DSG4: variants seen among roughly 807,000 people sequenced by gnomAD.
DSG4 encodes the protein desmoglein 4, also known as desmoglein-4.
Under a neutral mutation model 93.1 loss-of-function variants are expected in DSG4, and 87 were observed. The observed-to-expected ratio is 0.93, with a 90% CI of 0.79 to 1.12. DSG4 has a LOEUF of 1.12. DSG4 is among the 50% of genes most tolerant of loss of function. The pLI, the probability that DSG4 is intolerant of heterozygous loss-of-function variation, is 0.00. For missense variants in DSG4, 1,373 were observed against 1,285.7 expected, an observed-to-expected ratio of 1.07 and a Z score of -1.04; for synonymous variants, 432 against 452.9, an observed-to-expected ratio of 0.95 and a Z score of 0.59.
At chr18:31,394,085 T>G (rs190745843) in intron 8 of DSG4, among the ~76,000 whole-genome samples, 24 of 152,330 alleles carry the variant, frequency 1.6e-4, no homozygotes, top group Admixed American at 1.3e-3. Flanking sequence ...AATAGTTTTA[T>G]TGGAATACAA....
At chr18:31,388,276 G>T in intron 3 of DSG4, 91 bp from the exon 4 acceptor site, 1 of 1,443,436 alleles carries the variant, frequency 6.9e-7, no homozygotes, top group Middle Eastern at 1.8e-4. Context: ...AAGCCCATTT[G>T]GTAAAGAAAC....
chr18:31,399,363 A>G lies in DSG4; in HGVS notation c.1097A>G (p.Gln366Arg), dbSNP rs1441261839. ...DFHYSVASQF[Q>R]MHPTPVRIQV... ...CACTACTCCGTTGCTTCTCAATTCC[A>G]AATGCACCCAACCCCTGTGAGAATT... Residue 366 changes from glutamine (Q) to arginine (R), a missense_variant, in exon 9 of 16, where the codon CAA (glutamine) becomes CGA (arginine). Coordinates refer to ENST00000308128, the MANE Select transcript of DSG4 (RefSeq NM_177986.5). The G allele has an allele frequency of 1.2e-6, 2 of 1,614,002 alleles. No individual in the cohort carries two copies. The highest frequency in any genetic ancestry group is 2.2e-5 in the South Asian group (2 of 91,092).
intron 1 of DSG4, 148 bp from the exon 2 acceptor site, chr18:31,384,988 C>A: frequency 1.4e-6 from 1 of 721,722 alleles, no homozygotes; most frequent in Non-Finnish European, 2.4e-6. Context: ...GTCTATTATT[C>A]ATTTGTGTTA....
At chr18:31,386,210 A>G (rs2072185299) in intron 2 of DSG4, among the ~76,000 whole-genome samples, 2 of 152,164 alleles carry the variant, frequency 1.3e-5, no homozygotes, top group African/African-American at 4.8e-5. Flanking sequence ...CCTTATCAAC[A>G]GAAGAGAAAA....
intron 8 of DSG4, among the ~76,000 whole-genome samples, chr18:31,398,757 T>C (rs1427976657): frequency 6.6e-6 from 1 of 152,156 alleles, no homozygotes; most frequent in Non-Finnish European, 1.5e-5. Flanking sequence ...ACTATAATCA[T>C]CATAAATTCT....
chr18:31,403,463 G>C lies in DSG4; in HGVS notation c.1465G>C (p.Asp489His), dbSNP rs1359676946. Residue 489 changes from aspartate to histidine, a missense_variant, in exon 11 of 16, where the codon GAT (aspartate) becomes CAT (histidine). Asp to His is a moderately conservative substitution (Grantham distance 81). Coordinates refer to ENST00000308128, the MANE Select transcript of DSG4 (RefSeq NM_177986.5). Reference sequence around the variant, plus strand: ...AGGAACCATATGTATTGAGGTTCCTGATATCAATGATTATTGTCCAAACAT... The same window carrying C: ...AGGAACCATATGTATTGAGGTTCCTCATATCAATGATTATTGTCCAAACAT... The part of the protein sequence containing the change: ...ATGTICIEVP[D>H]INDYCPNIFP... The C allele has an allele frequency of 6.2e-7, 1 of 1,613,800 alleles. No individual in the cohort carries two copies. The highest frequency in any genetic ancestry group is 1.7e-5 in the Admixed American group (1 of 59,980).
At chr18:31,388,165 A>T (rs2072208694) in intron 3 of DSG4, among the ~76,000 whole-genome samples, 1 of 152,130 alleles carries the variant, frequency 6.6e-6, no homozygotes, top group Admixed American at 6.6e-5. Context: ...TCCCACAACA[A>T]ATCTGTGTGA....
intron 7 of DSG4, among the ~76,000 whole-genome samples, chr18:31,391,682 A>G (rs1336874508): frequency 1.4e-5 from 2 of 148,078 alleles, no homozygotes; most frequent in Admixed American, 6.6e-5. Context: ...AAACAAAAAA[A>G]CAAAACAAAA....
At chr18:31,396,509 C>A (rs936644221) in intron 8 of DSG4, among the ~76,000 whole-genome samples, 2 of 151,916 alleles carry the variant, frequency 1.3e-5, no homozygotes, top group African/African-American at 4.8e-5. Context: ...CATGCGCCAC[C>A]ACACCCGGCT....
At chr18:31,385,316 G>C (rs142854726) in intron 2 of DSG4, 145 bp downstream of exon 2, 3 of 625,530 alleles carry the variant, frequency 4.8e-6, no homozygotes, top group Non-Finnish European at 2.7e-6. Flanking sequence ...CTGAAATAGC[G>C]ATGGTAAAAT....
intron 10 of DSG4, 63 bp downstream of exon 10, chr18:31,401,083 T>A: frequency 7.4e-7 from 1 of 1,360,062 alleles, no homozygotes; most frequent in East Asian, 2.5e-5. Flanking sequence ...TATTATGTTA[T>A]TCTAATGCTG....
At chr18:31,381,975 T>C (rs765104075) in intron 1 of DSG4, among the ~76,000 whole-genome samples, 2 of 151,522 alleles carry the variant, frequency 1.3e-5, no homozygotes, top group African/African-American at 2.4e-5. Flanking sequence ...AGCCAAATAG[T>C]AGTATCTTAA....
Position 31,391,243 on chromosome 18 carries a change from A to ATAAGTGTCAATAATCAATTTGCG in DSG4, c.819+53_819+54insGTAAGTGTCAATAATCAATTTGC, listed in dbSNP as rs778504245. 40 of 1,612,390 alleles carry ATAAGTGTCAATAATCAATTTGCG rather than the reference A, an allele frequency of 2.5e-5. No homozygotes were observed. The African/African-American group carries it at 4.0e-4, about 16-fold the overall frequency. On this transcript the variant is annotated intron_variant, in intron 7 of 15. Transcript: ENST00000308128. ...TTTGTATTCTTATCTTCCTTTTTCCATAAGTGTCAATAATCAATTTGCATA... is the reference window on the plus strand; with the variant it reads ...TTTGTATTCTTATCTTCCTTTTTCCATAAGTGTCAATAATCAATTTGCGTAAGTGTCAATAATCAATTTGCATA...
In DSG4 at chr18:31,412,924, A is replaced by T. The variant is rs766105158; in HGVS notation, c.2452A>T (p.Ile818Phe). The T allele has an allele frequency of 1.5e-5, 25 of 1,614,054 alleles. No homozygotes were observed. The highest frequency in any genetic ancestry group is 2.7e-5 in the African/African-American group (2 of 74,928). Reference sequence around the variant, plus strand: ...GGGAGTCGGGTCTCCCGTAGGCTCTATTGGTTGTTGCAGTTGGATTGTGGA... The same window carrying T: ...GGGAGTCGGGTCTCCCGTAGGCTCTTTTGGTTGTTGCAGTTGGATTGTGGA... The part of the protein sequence containing the change: ...HEGVGSPVGS[I>F]GCCSWIVDDL... Residue 818 changes from isoleucine to phenylalanine, a missense_variant, in exon 16 of 16, where the codon ATT becomes TTT. Transcript: ENST00000308128.
chr18:31,381,432 G>C (rs1247592499), intron 1 of DSG4, among the ~76,000 whole-genome samples: 1 of 152,078 alleles, frequency 6.6e-6, no homozygotes, highest in Non-Finnish European at 1.5e-5. Flanking sequence ...TCACAACTGG[G>C]ACAGTCAGGA....
At chr18:31,406,038 A>T (rs1382434278) in intron 11 of DSG4, 39 bp from the exon 12 acceptor site, 1 of 1,612,648 alleles carries the variant, frequency 6.2e-7, no homozygotes, top group South Asian at 1.1e-5. Flanking sequence ...CCCACCAAGG[A>T]ATTTCCATTT....
intron 12 of DSG4, among the ~76,000 whole-genome samples, chr18:31,406,872 G>A (rs181494221): frequency 2.5e-3 from 387 of 152,008 alleles, no homozygotes; most frequent in African/African-American, 8.6e-3. Context: ...CTGCCTCCCA[G>A]GTTCAAATGA....
intron 8 of DSG4, among the ~76,000 whole-genome samples, chr18:31,394,063 C>T (rs1598742108): frequency 6.6e-6 from 1 of 152,080 alleles, no homozygotes; most frequent in Admixed American, 6.5e-5. Flanking sequence ...CTCACCTGTC[C>T]CCTGTTTCAT....
intron 8 of DSG4, among the ~76,000 whole-genome samples, chr18:31,392,863 G>T (rs563994398): frequency 1.5e-3 from 224 of 152,286 alleles, no homozygotes; most frequent in African/African-American, 5.0e-3. Flanking sequence ...TCAGGGCATG[G>T]TGAGCAACCC....
Sources: gnomAD v4.1 joint callset for allele counts (sites outside exome capture counted in the v4.1 genomes callset) on GRCh38, gnomAD v4.1.1 for gene constraint, MANE v1.5 for transcripts, NCBI Gene and HGNC (gene_info 2026-07-23, HGNC 2026-07-21) for gene names.